Variants in CTRC observed in about 807,000 individuals in gnomAD.
CTRC encodes the protein chymotrypsin C.
In CTRC, 32 loss-of-function variants were observed where a neutral mutation model predicts 35.7. The observed-to-expected ratio is 0.90, with a 90% CI of 0.68 to 1.20. The LOEUF is 1.20. CTRC is among the 50% of genes most tolerant of loss of function. The pLI is 0.00. For missense variants in CTRC, 324 were observed against 361.5 expected (o/e 0.90, Z 0.84); for synonymous variants, 119 against 149.5 (o/e 0.80, Z 1.49).
intron 1 of CTRC, among the ~76,000 whole-genome samples, chr1:15,438,988 A>T (rs1222235428): frequency 6.6e-6 from 1 of 152,180 alleles, no homozygotes; most frequent in East Asian, 1.9e-4. Flanking sequence ...GGCAAAGGAG[A>T]GCACTTAATG....
rs542932827 is a variant in CTRC at position 15,445,162 on chromosome 1, A to G, written c.639+411A>G. Among the ~76,000 whole-genome samples, 6 of 152,252 alleles carry G rather than the reference A, an allele frequency of 3.9e-5. No homozygotes were observed. The East Asian group carries it at 1.2e-3, about 29-fold the overall frequency. On this transcript the variant is annotated intron_variant, in intron 6 of 7. Coordinates refer to ENST00000375949, the MANE Select transcript of CTRC (RefSeq NM_007272.3). ...ACCAGTCCAGGGAGACCAGAACCAT[A>G]AAACATCTAAGACAATCAGGGAATG...
chr1:15,444,499 G>A (rs376768303), intron 5 of CTRC, 107 bp from the exon 6 acceptor site: 66 of 1,388,104 alleles, frequency 4.8e-5, no homozygotes, highest in East Asian at 7.1e-5. Context: ...TGTCTCAGCC[G>A]GCGCTCCCCT....
chr1:15,442,611 A>G, intron 4 of CTRC, 39 bp downstream of exon 4: 1 of 1,612,852 alleles, frequency 6.2e-7, no homozygotes, highest in Non-Finnish European at 8.5e-7. Context: ...CACTGGGGGC[A>G]GTGTGGAAGG....
intron 1 of CTRC, among the ~76,000 whole-genome samples, chr1:15,438,776 C>T (rs536481690): frequency 2.6e-5 from 4 of 152,284 alleles, no homozygotes; most frequent in African/African-American, 7.2e-5. Flanking sequence ...GGGAGGGACA[C>T]GAGATGCCTC....
chr1:15,441,877 T>C (rs1371801851), intron 3 of CTRC, among the ~76,000 whole-genome samples: 1 of 151,954 alleles, frequency 6.6e-6, no homozygotes, highest in Non-Finnish European at 1.5e-5. Flanking sequence ...GTTTGTTTGT[T>C]TTTTAACTTA....
chr1:15,442,078 T>C (rs954935437), intron 3 of CTRC, among the ~76,000 whole-genome samples: 1 of 152,070 alleles, frequency 6.6e-6, no homozygotes, highest in African/African-American at 2.4e-5. Context: ...GGGTTCAGAA[T>C]AGACAGGAGT....
Position 15,444,750 on chromosome 1 carries a change from A to G in CTRC, c.638A>G (p.Asn213Ser), listed in dbSNP as rs886045375. Residue 213 changes from asparagine (N) to serine (S), a missense_variant and splice_region_variant, in exon 6 of 8, where the codon AAT becomes AGT. Coordinates refer to ENST00000375949, the MANE Select transcript of CTRC (RefSeq NM_007272.3). The stretch of plus-strand genomic sequence containing the variant: ...GGCGATGGCGTCATCTCAGCCTGCA[A>G]TGTGAGTGGCTAGGTTCTGCACCTT... The part of the protein sequence containing the change: ...AGGDGVISAC[N>S]GDSGGPLNCQ... 6.2e-7 allele frequency: 1 copy of G among 1,614,172 alleles called. No homozygotes were observed. The highest frequency in any genetic ancestry group is 8.5e-7 in the Non-Finnish European group (1 of 1,180,028).
Position 15,440,293 on chromosome 1 carries a change from TC to T in CTRC, c.41-3del. 7.3e-7 allele frequency: 1 copy of T among 1,378,748 alleles called. No homozygotes were observed. Among genetic ancestry groups the T allele is most frequent in the Non-Finnish European group, 9.7e-7 (1 of 1,035,088 alleles). The allele number at this position is 1,378,748 out of a possible 1,614,324, so 85.4% of individuals were successfully genotyped here. On this transcript the variant is annotated splice_polypyrimidine_tract_variant and splice_region_variant and intron_variant, in intron 1 of 7. Transcript: ENST00000375949. ...TCACTGGTTCTTCTGGCCTCCTGTC[TC>T]CCCAGCCTCCAGCTGTGGGGTGCCC...
rs200859966 is a variant in CTRC, at chr1:15,440,632, G to A, written c.230+42G>A. ...CCCTGAGACCTGGCCATCGTCCGGG[G>A]GCGGAAGCCTGATACTCTGCTTTTT... On this transcript the variant is annotated intron_variant, in intron 3 of 7. Coordinates refer to ENST00000375949, the MANE Select transcript of CTRC (RefSeq NM_007272.3). The A allele has an allele frequency of 5.4e-4, 863 of 1,583,528 alleles. 3 individuals are homozygous for A. Among genetic ancestry groups the A allele is most frequent in the Non-Finnish European group, 1.3e-4 (149 of 1,156,112 alleles).
intron 7 of CTRC, among the ~76,000 whole-genome samples, chr1:15,446,018 G>T (rs12754584): frequency 1.6e-5 from 2 of 123,372 alleles, no homozygotes; most frequent in African/African-American, 3.3e-5. Context: ...ATTCATTCAT[G>T]CATTTATTTA....
chr1:15,445,526 A>T (rs553182162), intron 6 of CTRC, 71 bp from the exon 7 acceptor site: 31 of 1,550,264 alleles, frequency 2.0e-5, no homozygotes, highest in Non-Finnish European at 2.6e-5. Context: ...CCCCACCCCA[A>T]CCCAGTCCTG....
chr1:15,446,313 T>C (rs1211487473), intron 7 of CTRC, among the ~76,000 whole-genome samples: 1 of 152,232 alleles, frequency 6.6e-6, no homozygotes, highest in Non-Finnish European at 1.5e-5. Flanking sequence ...GGATGGCCAT[T>C]TCTCATCTTG....
Position 15,447,084 on chromosome 1 carries a change from C to A in CTRC, c.*495C>A. The A allele has an allele frequency of 3.7e-6, 1 of 271,282 alleles. No homozygotes were observed. Among genetic ancestry groups the A allele is most frequent in the Non-Finnish European group, 7.2e-6 (1 of 138,638 alleles). 16.8% of individuals were successfully genotyped at this position (271,282 alleles called of 1,614,324 possible). On this transcript the variant is annotated 3_prime_UTR_variant, in exon 8 of 8. Transcript: ENST00000375949. Reference sequence around the variant, plus strand: ...CGTCCCCCAGGCCAGAGAGACCAGGCCACAGGAGGATGGCCAAAGCTCAGG... The same window carrying A: ...CGTCCCCCAGGCCAGAGAGACCAGGACACAGGAGGATGGCCAAAGCTCAGG...
Position 15,444,703 on chromosome 1 carries a change from G to A in CTRC, c.591G>A (p.Lys197=). The A allele has an allele frequency of 6.2e-7, 1 of 1,614,266 alleles. No homozygotes were observed. ...TTGACTGGTGGGGCTTCAGGGTGAA[G>A]AAAACCATGGTGTGCGCTGGGGGCG... The part of the protein sequence containing the change: ...SRIDWWGFRV[K]KTMVCAGGDG... The change falls in exon 6 of 8, where the codon AAG becomes AAA. Residue 197 remains lysine (K), a synonymous_variant. Coordinates refer to ENST00000375949, the MANE Select transcript of CTRC (RefSeq NM_007272.3).
chr1:15,442,413 G>A lies in CTRC; in HGVS notation c.231-34G>A, dbSNP rs199899606. 10 of 1,588,960 alleles carry A rather than the reference G, an allele frequency of 6.3e-6. No homozygotes were observed. In the East Asian group the frequency reaches 9.2e-5, roughly 15 times the overall value. On this transcript the variant is annotated intron_variant, in intron 3 of 7. Transcript: ENST00000375949. ...ATCCCACTGGCTGGCAGGACCAGGG[G>A]GCCACCCTGACCTGGACCCCTTCCT... is the stretch of plus-strand genomic sequence containing the variant.
At chr1:15,443,632 G>A in intron 5 of CTRC, 77 bp downstream of exon 5, 1 of 1,569,928 alleles carries the variant, frequency 6.4e-7, no homozygotes. Context: ...CCACCACTTT[G>A]CCTTTTTGCC....
At position 15,445,740 on chromosome 1, in the gene CTRC, G is replaced by T. The variant is rs759821387; in HGVS notation, c.783G>T (p.Trp261Cys). The change falls in exon 7 of 8, where the codon TGG (tryptophan) becomes TGT (cysteine). Residue 261 changes from tryptophan (W) to cysteine (C), a missense_variant. Trp to Cys is a radical substitution (Grantham distance 215, BLOSUM62 -2). Coordinates refer to ENST00000375949, the MANE Select transcript of CTRC (RefSeq NM_007272.3). Reference sequence around the variant, plus strand: ...CCCGGGTGTCCGCCTACATCGACTGGATCAACGAGGTGGGTGCTGCCTCCA... The same window carrying T: ...CCCGGGTGTCCGCCTACATCGACTGTATCAACGAGGTGGGTGCTGCCTCCA... The part of the protein sequence containing the change: ...VYTRVSAYID[W>C]INEKMQL 2 of 1,614,096 alleles carry T rather than the reference G, an allele frequency of 1.2e-6. No homozygotes were observed. The highest frequency in any genetic ancestry group is 1.7e-6 in the Non-Finnish European group (2 of 1,180,012).
chr1:15,444,897 A>AC (rs1402632127), intron 6 of CTRC, 146 bp downstream of exon 6: 6 of 935,932 alleles, frequency 6.4e-6, no homozygotes, highest in Non-Finnish European at 1.0e-5. Context: ...TAAGCCCATC[A>AC]CCCCCCATCA....
intron 1 of CTRC, among the ~76,000 whole-genome samples, chr1:15,438,844 T>A (rs1708080748): frequency 6.6e-6 from 1 of 152,200 alleles, no homozygotes; most frequent in Non-Finnish European, 1.5e-5. Context: ...TCTCTCTCCC[T>A]TGAGGATTCT....
Sources: gnomAD v4.1 joint callset for allele counts (sites outside exome capture counted in the v4.1 genomes callset) on GRCh38, gnomAD v4.1.1 for gene constraint, MANE v1.5 for transcripts, NCBI Gene and HGNC (gene_info 2026-07-23, HGNC 2026-07-21) for gene names.